The following ZNF487 variants were observed in gnomAD, a reference collection of about 807,000 sequenced individuals.
The protein encoded by ZNF487 is KRAB domain only 1.
ZNF487 carries 4 observed loss-of-function variants against 3.0 expected under a neutral mutation model. That is an observed-to-expected ratio of 1.35 (90% CI 0.66 to 3.08). ZNF487 has a LOEUF of 3.08. ZNF487 is among the 30% of genes most tolerant of loss of function. The pLI, the probability that ZNF487 is intolerant of heterozygous loss-of-function variation, is 0.01. For missense variants in ZNF487, 146 were observed against 98.7 expected (o/e 1.48, Z -2.03); for synonymous variants, 55 against 34.6 (o/e 1.59, Z -2.06).
Position 43,482,781 on chromosome 10 carries a change from A to C in ZNF487, c.*859A>C, listed in dbSNP as rs1021972481. On this transcript the variant is annotated 3_prime_UTR_variant, in exon 4 of 4. Coordinates refer to ENST00000437590, the MANE Select transcript of ZNF487 (RefSeq NM_001355444.3). ...TGAATGTCAAAAATCCTTCTCTGTGAAGTCAAAACTTAGAGAACATCAGAG... is the reference window on the plus strand; with the variant it reads ...TGAATGTCAAAAATCCTTCTCTGTGCAGTCAAAACTTAGAGAACATCAGAG... The C allele has an allele frequency of 1.4e-5, 7 of 490,086 alleles. No homozygotes were observed. Among genetic ancestry groups the C allele is most frequent in the African/African-American group, 1.4e-4 (7 of 50,162 alleles). The allele number at this position is 490,086 out of a possible 1,614,324, so 30.4% of individuals were successfully genotyped here.
rs767214231 is a variant in ZNF487, at chr10:43,482,656, A to T, written c.*734A>T. 1 of 493,044 alleles carries T rather than the reference A, an allele frequency of 2.0e-6. No individual in the cohort carries two copies. The highest frequency in any genetic ancestry group is 3.2e-4 in the Middle Eastern group (1 of 3,094). 30.5% of individuals were successfully genotyped at this position (493,044 alleles called of 1,614,324 possible). A position where few individuals can be genotyped will look rare whatever the true frequency, so the allele number is the denominator to read the frequency against. On this transcript the variant is annotated 3_prime_UTR_variant, in exon 4 of 4. Transcript: ENST00000437590. ...CATCAGAGAATACATACTGGCGAGAAACCCTATGAGTGTAAGGAATGTGGG... is the reference window on the plus strand; with the variant it reads ...CATCAGAGAATACATACTGGCGAGATACCCTATGAGTGTAAGGAATGTGGG...
At chr10:43,468,634 G>A (rs537706597) in intron 1 of ZNF487, among the ~76,000 whole-genome samples, 72 of 136,350 alleles carry the variant, frequency 5.3e-4, no homozygotes, top group African/African-American at 1.9e-3. Context: ...AGCTGCGATC[G>A]CGCCATTGCA....
rs1317238010 is a variant in ZNF487 at position 43,457,953 on chromosome 10, C to G, written c.-93-17768C>G. The G allele has an allele frequency of 3.4e-5, 5 of 145,638 alleles. No individual in the cohort carries two copies. In the Admixed American group the frequency reaches 3.5e-4, roughly 10 times the overall value. 9.0% of individuals were successfully genotyped at this position (145,638 alleles called of 1,614,324 possible). A position where few individuals can be genotyped will look rare whatever the true frequency, so the allele number is the denominator to read the frequency against. On this transcript the variant is annotated intron_variant, in intron 1 of 3. Coordinates refer to ENST00000437590, the MANE Select transcript of ZNF487 (RefSeq NM_001355444.3). ...AGGCGACTGGCCTGAACCCGGGAGG[C>G]GGAGCTTGCAGTGAGCTGAGATCAG... is the stretch of plus-strand genomic sequence containing the variant.
At chr10:43,495,330 G>A in the ZNF487 span, among the ~76,000 whole-genome samples, 6 of 150,776 alleles carry the variant, frequency 4.0e-5, no homozygotes, top group Admixed American at 2.0e-4. Context: ...TGCAACCTCC[G>A]CCTCCCAGGT....
At chr10:43,522,068 T>C in the ZNF487 span, among the ~76,000 whole-genome samples, 1 of 152,324 alleles carries the variant, frequency 6.6e-6, no homozygotes, top group Admixed American at 6.5e-5. Flanking sequence ...ACATACCTGA[T>C]CTTGTTTCCA....
At chr10:43,454,036 A>ATTTTC (rs2132067877) in intron 1 of ZNF487, 2 of 152,160 alleles carry the variant, frequency 1.3e-5, no homozygotes, top group South Asian at 4.1e-4. Flanking sequence ...TAGGACTCAG[A>ATTTTC]TTTTCTTTTA....
chr10:43,454,974 G>A (rs1289910926), intron 1 of ZNF487, among the ~76,000 whole-genome samples: 1 of 144,650 alleles, frequency 6.9e-6, no homozygotes, highest in Non-Finnish European at 1.5e-5. Context: ...TAAGGGATAC[G>A]AGGCTGTGTG....
intron 1 of ZNF487, among the ~76,000 whole-genome samples, chr10:43,468,085 A>G (rs1840770939): frequency 1.3e-5 from 2 of 152,208 alleles, no homozygotes; most frequent in Admixed American, 1.3e-4. Flanking sequence ...TGGAAATAGC[A>G]TAACTAGAAT....
At chr10:43,498,854 A>AT in the ZNF487 span, among the ~76,000 whole-genome samples, 1 of 151,640 alleles carries the variant, frequency 6.6e-6, no homozygotes, top group Admixed American at 6.6e-5. Flanking sequence ...AGGCAGGAGA[A>AT]TGGCGTGAAC....
chr10:43,481,223 C>T (rs1841341691), intron 3 of ZNF487, among the ~76,000 whole-genome samples: 3 of 151,510 alleles, frequency 2.0e-5, no homozygotes, highest in Non-Finnish European at 1.5e-5. Flanking sequence ...CCCATTTACT[C>T]GAGAAGCTGA....
the ZNF487 span, among the ~76,000 whole-genome samples, chr10:43,499,559 C>T: frequency 6.6e-6 from 1 of 152,032 alleles, no homozygotes; most frequent in East Asian, 1.9e-4. Flanking sequence ...CGAGACTAGC[C>T]TGGGCACACG....
chr10:43,447,962 T>C (rs1250680876), intron 1 of ZNF487, among the ~76,000 whole-genome samples: 1 of 151,388 alleles, frequency 6.6e-6, no homozygotes, highest in African/African-American at 2.4e-5. Flanking sequence ...CTCTGTTTTC[T>C]GATGTTCAGG....
intron 1 of ZNF487, among the ~76,000 whole-genome samples, chr10:43,461,691 G>A (rs61859058): frequency 0.034 from 5,182 of 152,200 alleles, 113 homozygotes; most frequent in South Asian, 0.041. Context: ...TATTCTCCAT[G>A]AGTGCTTGTG....
downstream of ZNF487, among the ~76,000 whole-genome samples, chr10:43,484,450 AC>A (rs938597566): frequency 2.0e-5 from 3 of 151,868 alleles, no homozygotes; most frequent in African/African-American, 7.3e-5. Flanking sequence ...CTACTAAAAT[AC>A]AAAAAATTAG....
intron 1 of ZNF487, among the ~76,000 whole-genome samples, chr10:43,460,620 C>T (rs1203321854): frequency 7.0e-6 from 1 of 142,012 alleles, no homozygotes; most frequent in African/African-American, 2.9e-5. Context: ...CAGATGCCAC[C>T]CGCCTCAGCC....
the ZNF487 span, among the ~76,000 whole-genome samples, chr10:43,497,057 T>A: frequency 2.0e-5 from 3 of 152,348 alleles, no homozygotes; most frequent in East Asian, 5.8e-4. Context: ...AGAGTTATTA[T>A]TCTCAGCATT....
the ZNF487 span, among the ~76,000 whole-genome samples, chr10:43,509,237 C>G: frequency 2.0e-5 from 3 of 151,636 alleles, no homozygotes; most frequent in African/African-American, 4.8e-5. Context: ...GGGTGATTAT[C>G]CCACTGCACC....
chr10:43,476,203 G>A lies in ZNF487; in HGVS notation c.130+1G>A, dbSNP rs539563032. 5.6e-6 allele frequency: 4 copies of A among 716,840 alleles called. No homozygotes were observed. The highest frequency in any genetic ancestry group is 4.4e-5 in the South Asian group (3 of 67,558). The allele number at this position is 716,840 out of a possible 1,614,324, so 44.4% of individuals were successfully genotyped here. A position where few individuals can be genotyped will look rare whatever the true frequency, so the allele number is the denominator to read the frequency against. ...GAGTCCCCAAGTCAGAGCCACCTAG[G>A]TGAGTTAATAAATATATAGGAAGCT... is the stretch of plus-strand genomic sequence containing the variant. On this transcript the variant is annotated splice_donor_variant, in intron 3 of 3. Transcript: ENST00000437590. LOFTEE classifies it high-confidence loss of function.
At chr10:43,475,058 C>T (rs1053672634) in intron 1 of ZNF487, among the ~76,000 whole-genome samples, 1 of 152,088 alleles carries the variant, frequency 6.6e-6, no homozygotes, top group African/African-American at 2.4e-5. Flanking sequence ...CAGGTGGGTC[C>T]CCAGTCTGTT....
Sources: allele counts gnomAD v4.1 joint callset (sites outside exome capture counted in the v4.1 genomes callset), GRCh38; gene constraint gnomAD v4.1.1; transcripts MANE v1.5; gene names NCBI Gene and HGNC (gene_info 2026-07-23, HGNC 2026-07-21).